APC: variants seen among roughly 807,000 people sequenced by gnomAD.
APC encodes the protein adenomatous polyposis coli protein.
A neutral mutation model predicts 247.0 loss-of-function variants in APC; 72 were observed. That is an observed-to-expected ratio of 0.29 (90% CI 0.24 to 0.35). The LOEUF is 0.35. Ranked by LOEUF, APC falls within the 10% of genes least tolerant of loss-of-function variation. The probability of loss-of-function intolerance (pLI) is 1.00; values close to 1 mark genes in which losing one functional copy is unlikely to be tolerated. For synonymous variants in APC, 1,254 were observed against 1,162.5 expected (o/e 1.08, Z -1.60); for missense variants, 3,400 against 3,360.7 (o/e 1.01, Z -0.29).
chr5:112,786,886 C>CTTTTTCTTTTT (rs1283772313), intron 6 of APC, among the ~76,000 whole-genome samples: 1 of 118,126 alleles, frequency 8.5e-6, no homozygotes. Context: ...TTTTCTTTTT[C>CTTTTTCTTTTT]TTTTTTTTTT....
At chr5:112,769,131 A>G (rs965407350) in intron 4 of APC, among the ~76,000 whole-genome samples, 5 of 141,238 alleles carry the variant, frequency 3.5e-5, no homozygotes, top group African/African-American at 1.4e-4. Flanking sequence ...GGCTCCTGCA[A>G]CCTCCACCTC....
chr5:112,715,863 T>C (rs1171053336), intron 1 of APC, among the ~76,000 whole-genome samples: 1 of 152,194 alleles, frequency 6.6e-6, no homozygotes, highest in Non-Finnish European at 1.5e-5. Context: ...GATTATTTTT[T>C]ATAATTTTTC....
chr5:112,842,824 C>T lies in APC; in HGVS notation c.7230C>T (p.Ala2410=), dbSNP rs2149982520. 1 of 1,613,554 alleles carries T rather than the reference C, an allele frequency of 6.2e-7. No individual in the cohort carries two copies. The highest frequency in any genetic ancestry group is 8.5e-7 in the Non-Finnish European group (1 of 1,179,648). The change falls in exon 16 of 16, where the codon GCC becomes GCT. Residue 2410 remains alanine (A), a synonymous_variant. Transcript: ENST00000257430. ...ATCAGATGAATAATGGTAATGGAGC[C>T]AATAAAAAGGTAGAACTTTCTAGAA... is the stretch of plus-strand genomic sequence containing the variant. ...GLNQMNNGNG[A]NKKVELSRMS... is the part of the protein sequence containing the mutation.
At chr5:112,743,613 C>A (rs1753290429) in intron 1 of APC, among the ~76,000 whole-genome samples, 1 of 152,146 alleles carries the variant, frequency 6.6e-6, no homozygotes, top group Admixed American at 6.5e-5. Context: ...TAATTTATAT[C>A]AGTGTATCAG....
At chr5:112,729,528 G>T (rs1264915564) in intron 1 of APC, among the ~76,000 whole-genome samples, 2 of 152,170 alleles carry the variant, frequency 1.3e-5, no homozygotes, top group Non-Finnish European at 2.9e-5. Flanking sequence ...ATAAGAAAGA[G>T]GTAGGTGAGG....
upstream of APC, among the ~76,000 whole-genome samples, chr5:112,736,461 C>A (rs1305820969): frequency 6.6e-6 from 1 of 152,096 alleles, no homozygotes; most frequent in Non-Finnish European, 1.5e-5. Flanking sequence ...ATCTCACTTT[C>A]CAGGAATAAC....
chr5:112,829,780 G>A (rs1202590771), intron 14 of APC: 1 of 152,218 alleles, frequency 6.6e-6, no homozygotes, highest in African/African-American at 2.4e-5. Context: ...TGGTATAAGT[G>A]TACCTTTGTG....
intron 1 of APC, among the ~76,000 whole-genome samples, chr5:112,741,978 G>T (rs575924343): frequency 1.3e-5 from 2 of 152,248 alleles, no homozygotes; most frequent in Non-Finnish European, 2.9e-5. Flanking sequence ...AGGTCTAAAT[G>T]ATGTTCCATT....
At chr5:112,835,415 A>T (rs1764783568) in intron 15 of APC, among the ~76,000 whole-genome samples, 1 of 152,170 alleles carries the variant, frequency 6.6e-6, no homozygotes, top group Non-Finnish European at 1.5e-5. Flanking sequence ...TGGAGGAAAA[A>T]ATAGTCACAA....
intron 14 of APC, among the ~76,000 whole-genome samples, chr5:112,833,403 G>C (rs987365479): frequency 1.3e-5 from 2 of 151,962 alleles, no homozygotes; most frequent in Non-Finnish European, 2.9e-5. Context: ...GGATGGTCTC[G>C]ATCTCCTGAC....
intron 6 of APC, among the ~76,000 whole-genome samples, chr5:112,784,511 C>T (rs561499367): frequency 3.2e-4 from 49 of 152,314 alleles, no homozygotes; most frequent in African/African-American, 9.4e-4. Flanking sequence ...TACAGAAATA[C>T]TTACTTTAGG....
intron 7 of APC, among the ~76,000 whole-genome samples, chr5:112,795,287 A>G (rs986123898): frequency 5.9e-5 from 9 of 152,190 alleles, no homozygotes; most frequent in African/African-American, 2.2e-4. Context: ...CGGCCTCCCA[A>G]AGTGTTAGGA....
chr5:112,840,359 C>A lies in APC; in HGVS notation c.4765C>A (p.Arg1589Ser), dbSNP rs72541813. ...TTCTGCCATGCCAACAAAGTCATCA[C>A]GTAAAGCAAAAAAGCCAGCCCAGAC... Reference protein sequence around the residue: ...IISAMPTKSSRKAKKPAQTAS... With the variant: ...IISAMPTKSSSKAKKPAQTAS... The change falls in exon 16 of 16, where the codon CGT (arginine) becomes AGT (serine). Residue 1589 changes from arginine to serine, a missense_variant. Coordinates refer to ENST00000257430, the MANE Select transcript of APC (RefSeq NM_000038.6). This position sits in a 1 kb window ranked among gnomAD's most constrained non-coding sequence, Gnocchi z 4.1. The A allele has an allele frequency of 1.2e-6, 2 of 1,614,144 alleles. No individual in the cohort carries two copies. The highest frequency in any genetic ancestry group is 2.7e-5 in the African/African-American group (2 of 75,040).
At chr5:112,742,346 T>A (rs924732220) in intron 1 of APC, among the ~76,000 whole-genome samples, 1 of 152,198 alleles carries the variant, frequency 6.6e-6, no homozygotes, top group Admixed American at 6.5e-5. Flanking sequence ...CTTATACATA[T>A]CTCCTTGGAC....
intron 11 of APC, 112 bp from the exon 12 acceptor site, chr5:112,826,996 C>T (rs1380430459): frequency 8.8e-6 from 9 of 1,021,512 alleles, no homozygotes; most frequent in Non-Finnish European, 1.2e-5. Flanking sequence ...AAATTTAAAC[C>T]ATATATTCTC....
At chr5:112,719,361 G>C (rs563117602) in intron 1 of APC, among the ~76,000 whole-genome samples, 1 of 151,690 alleles carries the variant, frequency 6.6e-6, no homozygotes, top group Non-Finnish European at 1.5e-5. Flanking sequence ...GGGATTACAG[G>C]TGTGCACCAC....
chr5:112,813,690 A>T (rs1330924681), intron 8 of APC, among the ~76,000 whole-genome samples: 1 of 151,632 alleles, frequency 6.6e-6, no homozygotes, highest in Non-Finnish European at 1.5e-5. Flanking sequence ...GGCTGAGGTG[A>T]GAGGATCACT....
In APC at chr5:112,767,314, G is replaced by A. The variant is rs142637152; in HGVS notation, c.346G>A (p.Gly116Ser). 1 of 1,614,096 alleles carries A rather than the reference G, an allele frequency of 6.2e-7. No individual in the cohort carries two copies. The highest frequency in any genetic ancestry group is 1.3e-5 in the African/African-American group (1 of 75,030). The part of the protein sequence containing the change: ...RSGECSPVPM[G>S]SFPRRGFVNG... Reference sequence around the variant, plus strand: ...TGGAGAGTGCAGTCCTGTTCCTATGGGTTCATTTCCAAGAAGAGGGTTTGT... The same window carrying A: ...TGGAGAGTGCAGTCCTGTTCCTATGAGTTCATTTCCAAGAAGAGGGTTTGT... The change falls in exon 4 of 16, where the codon GGT (glycine) becomes AGT (serine). Residue 116 changes from glycine (G) to serine (S), a missense_variant. Gly to Ser is a moderately conservative substitution (Grantham distance 56). Transcript: ENST00000257430.
chr5:112,761,452 A>T (rs1280968495), intron 2 of APC, among the ~76,000 whole-genome samples: 1 of 152,218 alleles, frequency 6.6e-6, no homozygotes, highest in East Asian at 1.9e-4. Context: ...AAAGGAATCA[A>T]ATAGATATTC....
Sources: gnomAD v4.1 joint callset for allele counts (sites outside exome capture counted in the v4.1 genomes callset) on GRCh38, gnomAD v4.1.1 for gene constraint, Gnocchi (gnomAD v3.1) non-coding constraint, MANE v1.5 for transcripts, NCBI Gene and HGNC (gene_info 2026-07-23, HGNC 2026-07-21) for gene names.